SNX1: variants seen among roughly 807,000 people sequenced by gnomAD.
SNX1 encodes the protein sorting nexin 1, also known as sorting nexin-1.
In SNX1, 36 loss-of-function variants were observed where a neutral mutation model predicts 71.8. That is an observed-to-expected ratio of 0.50 (90% CI 0.38 to 0.66). The LOEUF is 0.66. Ranked by LOEUF, SNX1 falls within the 30% of genes least tolerant of loss-of-function variation. SNX1 has a pLI of 0.00. For synonymous variants in SNX1, 254 were observed against 240.7 expected, an observed-to-expected ratio of 1.06 and a Z score of -0.51; for missense variants, 612 against 646.7, an observed-to-expected ratio of 0.95 and a Z score of 0.58.
chr15:64,106,080 C>T (rs2081018523), intron 1 of SNX1, among the ~76,000 whole-genome samples: 1 of 152,038 alleles, frequency 6.6e-6, no homozygotes, highest in Non-Finnish European at 1.5e-5. Flanking sequence ...TAGAGATGAG[C>T]ATAAATGAGA....
chr15:64,138,503 T>C lies in SNX1; in HGVS notation c.*885T>C, dbSNP rs903026258. 2 of 247,776 alleles carry C rather than the reference T, an allele frequency of 8.1e-6. No individual in the cohort carries two copies. Among genetic ancestry groups the C allele is most frequent in the Admixed American group, 5.0e-5 (1 of 20,182 alleles). The allele number at this position is 247,776 out of a possible 1,614,324, so 15.3% of individuals were successfully genotyped here. ...ACATCCTCAGTAGACTGTGTGAAGG[T>C]GTGAAGGTCTGATAATGACTTGATG... On this transcript the variant is annotated 3_prime_UTR_variant, in exon 15 of 15. Transcript: ENST00000559844.
At chr15:64,130,405 C>T in intron 10 of SNX1, 84 bp downstream of exon 10, 1 of 1,105,168 alleles carries the variant, frequency 9.0e-7, no homozygotes, top group Non-Finnish European at 1.4e-6. Context: ...CTGTTCCAAT[C>T]CTCTCAGCCA....
intron 5 of SNX1, among the ~76,000 whole-genome samples, chr15:64,125,578 G>GAGGCTGC (rs2081242591): frequency 6.6e-6 from 1 of 151,834 alleles, no homozygotes; most frequent in South Asian, 2.1e-4. Context: ...CCAGGAGTTT[G>GAGGCTGC]AGGCTGCAGT....
At chr15:64,099,587 G>C (rs1255156174) in intron 1 of SNX1, among the ~76,000 whole-genome samples, 5 of 152,192 alleles carry the variant, frequency 3.3e-5, no homozygotes, top group South Asian at 2.1e-4. Flanking sequence ...AGGAGCTTGA[G>C]GCTTTAGTGA....
At position 64,129,901 on chromosome 15, in the gene SNX1, T is replaced by G; in HGVS notation, c.808-15T>G. On this transcript the variant is annotated splice_polypyrimidine_tract_variant and intron_variant, in intron 8 of 14. Coordinates refer to ENST00000559844, the MANE Select transcript of SNX1 (RefSeq NM_003099.5). This position sits in a 1 kb window ranked among gnomAD's most constrained non-coding sequence, Gnocchi z 4.4. ...CAGCAGATAACTTGCCATCCCTGCCTTCTTGGTCTTGTAGCTGCCACGTGC... is the reference window on the plus strand; with the variant it reads ...CAGCAGATAACTTGCCATCCCTGCCGTCTTGGTCTTGTAGCTGCCACGTGC... 2 of 1,600,298 alleles carry G rather than the reference T, an allele frequency of 1.2e-6. No homozygotes were observed. The highest frequency in any genetic ancestry group is 1.7e-6 in the Non-Finnish European group (2 of 1,167,546).
chr15:64,103,789 T>A (rs1316835694), intron 1 of SNX1, among the ~76,000 whole-genome samples: 1 of 152,236 alleles, frequency 6.6e-6, no homozygotes, highest in Non-Finnish European at 1.5e-5. Context: ...TAACACATCC[T>A]CATTAAGTTT....
At position 64,138,287 on chromosome 15, in the gene SNX1, C is replaced by T; in HGVS notation, c.*669C>T. 1 of 1,245,576 alleles carries T rather than the reference C, an allele frequency of 8.0e-7. No homozygotes were observed. Among genetic ancestry groups the T allele is most frequent in the South Asian group, 1.7e-5 (1 of 57,302 alleles). The allele number at this position is 1,245,576 out of a possible 1,614,324, so 77.2% of individuals were successfully genotyped here. The stretch of plus-strand genomic sequence containing the variant: ...TAAGAGGAGCAAAATCTATTAAAAC[C>T]TATTCTCCTGCAAAGGAGGCAGAGA... On this transcript the variant is annotated 3_prime_UTR_variant, in exon 15 of 15. Coordinates refer to ENST00000559844, the MANE Select transcript of SNX1 (RefSeq NM_003099.5).
At chr15:64,132,578 C>T (rs746917736) in intron 11 of SNX1, among the ~76,000 whole-genome samples, 4 of 152,186 alleles carry the variant, frequency 2.6e-5, no homozygotes, top group Admixed American at 6.5e-5. Context: ...TATTAGCTGT[C>T]GCATGGCCTC....
chr15:64,131,943 C>A, intron 11 of SNX1, 51 bp downstream of exon 11: 1 of 1,581,572 alleles, frequency 6.3e-7, no homozygotes, highest in Non-Finnish European at 8.7e-7. Context: ...ATTTGTTTTT[C>A]CTTTGCTGGT....
intron 14 of SNX1, 86 bp from the exon 15 acceptor site, chr15:64,137,482 A>G: frequency 1.3e-6 from 2 of 1,493,082 alleles, no homozygotes; most frequent in South Asian, 2.3e-5. Flanking sequence ...GGGGAGCGCC[A>G]GGGTACTGTG....
At chr15:64,108,896 G>A (rs1287882389) in intron 1 of SNX1, among the ~76,000 whole-genome samples, 3 of 151,814 alleles carry the variant, frequency 2.0e-5, no homozygotes, top group East Asian at 1.9e-4. Flanking sequence ...GCTGAGGAAG[G>A]AGAATTGCTT....
At chr15:64,124,018 T>G (rs1269849565) in intron 5 of SNX1, among the ~76,000 whole-genome samples, 2 of 151,782 alleles carry the variant, frequency 1.3e-5, no homozygotes, top group Non-Finnish European at 2.9e-5. Flanking sequence ...AGCCCTAAAC[T>G]TACCACTAGT....
intron 4 of SNX1, among the ~76,000 whole-genome samples, chr15:64,120,875 T>G (rs916360668): frequency 6.6e-6 from 1 of 152,094 alleles, no homozygotes; most frequent in Non-Finnish European, 1.5e-5. Flanking sequence ...ATTTGAACTG[T>G]TGAGTTTTAC....
intron 1 of SNX1, among the ~76,000 whole-genome samples, chr15:64,102,560 A>G (rs1181197774): frequency 6.6e-6 from 1 of 152,018 alleles, no homozygotes. Flanking sequence ...TCTGGGAATC[A>G]CCATTGTACC....
At chr15:64,107,467 T>C (rs553357494) in intron 1 of SNX1, among the ~76,000 whole-genome samples, 1 of 152,330 alleles carries the variant, frequency 6.6e-6, no homozygotes, top group East Asian at 1.9e-4. Context: ...TTTCTGTCCT[T>C]CTCTGAGCTA....
intron 5 of SNX1, among the ~76,000 whole-genome samples, chr15:64,124,147 C>CATATATATATATATAT (rs10523424): frequency 0.016 from 1,664 of 104,620 alleles, 78 homozygotes; most frequent in African/African-American, 0.044. Flanking sequence ...GAAATCTTTA[C>CATATATATATATATAT]ATATATATAT....
Position 64,096,151 on chromosome 15 carries a change from T to C in SNX1, c.138T>C (p.Ile46=), listed in dbSNP as rs2080897523. The C allele has an allele frequency of 6.4e-7, 1 of 1,552,102 alleles. No individual in the cohort carries two copies. Among genetic ancestry groups the C allele is most frequent in the Non-Finnish European group, 8.7e-7 (1 of 1,147,916 alleles). ...AGDSDTEGED[I]FTGAAVVSKH... ...ACAGCGACACCGAGGGGGAGGACAT[T>C]TTCACCGGCGCCGCGGTGGTCGTGA... Residue 46 remains isoleucine, a synonymous_variant, in exon 1 of 15, where the codon ATT becomes ATC. Coordinates refer to ENST00000559844, the MANE Select transcript of SNX1 (RefSeq NM_003099.5).
chr15:64,130,264 G>A lies in SNX1; in HGVS notation c.958G>A (p.Glu320Lys). Residue 320 changes from glutamate to lysine, a missense_variant, in exon 10 of 15, where the codon GAG (glutamate) becomes AAG (lysine). Glu to Lys is a moderately conservative substitution (Grantham distance 56, BLOSUM62 1). Coordinates refer to ENST00000559844, the MANE Select transcript of SNX1 (RefSeq NM_003099.5). ...EEKLQEVECE[E>K]QRLRKLHAVV... ...GAAGCTCCAGGAGGTAGAGTGTGAG[G>A]AGCAGCGCTTACGGAAACTGCATGC... 2 of 1,614,172 alleles carry A rather than the reference G, an allele frequency of 1.2e-6. No individual in the cohort carries two copies. The highest frequency in any genetic ancestry group is 1.7e-6 in the Non-Finnish European group (2 of 1,180,044).
At chr15:64,117,921 A>C (rs2081148677) in intron 2 of SNX1, among the ~76,000 whole-genome samples, 196 bp from the exon 3 acceptor site, 1 of 152,238 alleles carries the variant, frequency 6.6e-6, no homozygotes, top group Non-Finnish European at 1.5e-5. Flanking sequence ...AGGTTGTTCT[A>C]CTAAGCCTGT....
Sources: allele counts gnomAD v4.1 joint callset (sites outside exome capture counted in the v4.1 genomes callset), GRCh38; gene constraint gnomAD v4.1.1; non-coding constraint Gnocchi (gnomAD v3.1); transcripts MANE v1.5; gene names NCBI Gene and HGNC (gene_info 2026-07-23, HGNC 2026-07-21).